The following SLC44A5 variants were observed in gnomAD, a reference collection of about 807,000 sequenced individuals.
The protein encoded by SLC44A5 is choline transporter-like protein 5.
Under a neutral mutation model 101.8 loss-of-function variants are expected in SLC44A5, and 57 were observed. The ratio of observed to expected loss-of-function variants is 0.56; its 90% CI spans 0.45 to 0.70. The LOEUF (loss-of-function observed/expected upper bound fraction) is 0.70, where lower values mean the gene tolerates loss of function less well. SLC44A5 is among the 30% of genes least tolerant of loss of function. The pLI, the probability that SLC44A5 is intolerant of heterozygous loss-of-function variation, is 0.00. For missense variants in SLC44A5, 737 were observed against 853.1 expected, an observed-to-expected ratio of 0.86 and a Z score of 1.70; for synonymous variants, 281 against 290.9, an observed-to-expected ratio of 0.97 and a Z score of 0.35.
intron 2 of SLC44A5, among the ~76,000 whole-genome samples, chr1:75,415,519 G>A (rs940456223): frequency 6.6e-6 from 1 of 152,184 alleles, no homozygotes; most frequent in Non-Finnish European, 1.5e-5. Flanking sequence ...GACTAATACA[G>A]TAAATTGATA....
chr1:75,327,230 TAGA>T (rs1656671970), intron 4 of SLC44A5, among the ~76,000 whole-genome samples: 2 of 152,092 alleles, frequency 1.3e-5, no homozygotes. Flanking sequence ...AGTAAATAAA[TAGA>T]AGGAGACTTC....
the SLC44A5 span, chr1:75,710,675 T>C: frequency 6.6e-6 from 1 of 151,950 alleles, no homozygotes; most frequent in African/African-American, 2.4e-5. Context: ...AGGCACAATT[T>C]AGCTTGATTA....
intron 2 of SLC44A5, among the ~76,000 whole-genome samples, chr1:75,492,685 T>A (rs1668485054): frequency 6.6e-6 from 1 of 152,212 alleles, no homozygotes. Context: ...AAAGATATAT[T>A]GCTAGAACAA....
intron 6 of SLC44A5, among the ~76,000 whole-genome samples, chr1:75,254,335 G>T (rs549757331): frequency 6.6e-6 from 1 of 152,234 alleles, no homozygotes; most frequent in Non-Finnish European, 1.5e-5. Flanking sequence ...CAGCGCACCC[G>T]GCCAGACCTC....
chr1:75,608,604 TTAATA>T, intron 1 of SLC44A5, among the ~76,000 whole-genome samples: 1 of 152,034 alleles, frequency 6.6e-6, no homozygotes, highest in Non-Finnish European at 1.5e-5. Context: ...TCTAAAAAGT[TTAATA>T]TAATTTAGTC....
At chr1:75,681,167 G>A in the SLC44A5 span, among the ~76,000 whole-genome samples, 14 of 152,150 alleles carry the variant, frequency 9.2e-5, no homozygotes, top group East Asian at 1.2e-3. Flanking sequence ...ATTCACAGCC[G>A]AATTCTACCA....
intron 6 of SLC44A5, among the ~76,000 whole-genome samples, chr1:75,261,293 G>C (rs1418959030): frequency 2.0e-5 from 3 of 152,014 alleles, no homozygotes; most frequent in Non-Finnish European, 4.4e-5. Context: ...AAGAAGAAAA[G>C]AGAGAAGAAT....
chr1:75,388,925 A>G (rs1661595775), intron 3 of SLC44A5, among the ~76,000 whole-genome samples: 1 of 152,220 alleles, frequency 6.6e-6, no homozygotes, highest in Admixed American at 6.5e-5. Context: ...CAAGAGACAC[A>G]TATCATGTGT....
chr1:75,551,817 A>T (rs542540335), intron 1 of SLC44A5, among the ~76,000 whole-genome samples: 1 of 152,230 alleles, frequency 6.6e-6, no homozygotes, highest in Admixed American at 6.6e-5. Flanking sequence ...AGTGCCTGGC[A>T]CATGTTAGAC....
chr1:75,318,052 T>A (rs910998325), intron 4 of SLC44A5, among the ~76,000 whole-genome samples: 5 of 152,118 alleles, frequency 3.3e-5, no homozygotes, highest in African/African-American at 4.8e-5. Flanking sequence ...AAACCTCTTT[T>A]AAAAGATACA....
chr1:75,370,237 G>A (rs148798219), intron 3 of SLC44A5, among the ~76,000 whole-genome samples: 3 of 152,256 alleles, frequency 2.0e-5, no homozygotes, highest in African/African-American at 7.2e-5. Context: ...CCCATATGCT[G>A]TAACATAAAC....
intron 13 of SLC44A5, among the ~76,000 whole-genome samples, chr1:75,226,684 T>C (rs1319940201): frequency 6.6e-6 from 1 of 152,104 alleles, no homozygotes; most frequent in Non-Finnish European, 1.5e-5. Context: ...CTTCCTTGAA[T>C]GTGTCTTGTC....
intron 4 of SLC44A5, among the ~76,000 whole-genome samples, chr1:75,334,214 G>C (rs1027600362): frequency 6.6e-6 from 1 of 152,172 alleles, no homozygotes; most frequent in East Asian, 1.9e-4. Context: ...GAAGCCAGAA[G>C]CTTGTCTGTT....
chr1:75,601,152 A>C (rs956887965), intron 1 of SLC44A5, among the ~76,000 whole-genome samples: 1 of 152,152 alleles, frequency 6.6e-6, no homozygotes, highest in African/African-American at 2.4e-5. Context: ...TATCCATGAG[A>C]TCCTCATAAT....
At chr1:75,337,523 C>A (rs975022578) in intron 4 of SLC44A5, among the ~76,000 whole-genome samples, 10 of 152,268 alleles carry the variant, frequency 6.6e-5, no homozygotes, top group African/African-American at 2.4e-4. Flanking sequence ...AAGGATAATG[C>A]TGAATATCTT....
chr1:75,238,815 A>G (rs1243894115), intron 9 of SLC44A5, among the ~76,000 whole-genome samples, 179 bp from the exon 10 acceptor site: 1 of 152,112 alleles, frequency 6.6e-6, no homozygotes, highest in African/African-American at 2.4e-5. Context: ...TCCTAAGACT[A>G]GAAAGCAAAT....
At chr1:75,204,190 C>A (rs1646710732) in intron 23 of SLC44A5, among the ~76,000 whole-genome samples, 2 of 151,632 alleles carry the variant, frequency 1.3e-5, no homozygotes, top group Non-Finnish European at 2.9e-5. Context: ...GTTTTGCCAT[C>A]AATAATTTAA....
At chr1:75,513,154 A>G (rs1669652227) in intron 2 of SLC44A5, among the ~76,000 whole-genome samples, 1 of 152,226 alleles carries the variant, frequency 6.6e-6, no homozygotes, top group South Asian at 2.1e-4. Flanking sequence ...CTTGAATCTC[A>G]ACTACACAGA....
At chr1:75,623,930 G>A in the SLC44A5 span, among the ~76,000 whole-genome samples, 1 of 152,068 alleles carries the variant, frequency 6.6e-6, no homozygotes, top group Non-Finnish European at 1.5e-5. Flanking sequence ...CCATAGCCAT[G>A]AGCACAGATG....
Sources: gnomAD v4.1 joint callset for allele counts (sites outside exome capture counted in the v4.1 genomes callset) on GRCh38, gnomAD v4.1.1 for gene constraint, MANE v1.5 for transcripts, NCBI Gene and HGNC (gene_info 2026-07-23, HGNC 2026-07-21) for gene names.